Variants in IPCEF1 observed in about 807,000 individuals in gnomAD.
The protein encoded by IPCEF1 is interaction protein for cytohesin exchange factors 1, also known as interactor protein for cytohesin exchange factors 1.
Under a neutral mutation model 50.9 loss-of-function variants are expected in IPCEF1, and 31 were observed. That is an observed-to-expected ratio of 0.61 (90% CI 0.46 to 0.82). The LOEUF (loss-of-function observed/expected upper bound fraction) is 0.82. IPCEF1 is among the 40% of genes least tolerant of loss of function. The pLI, the probability that IPCEF1 is intolerant of heterozygous loss-of-function variation, is 0.00. For synonymous variants in IPCEF1, 181 were observed against 192.0 expected (o/e 0.94, Z 0.47); for missense variants, 458 against 514.0 (o/e 0.89, Z 1.05).
intron 7 of IPCEF1, among the ~76,000 whole-genome samples, chr6:154,219,377 A>G (rs550499281): frequency 6.6e-6 from 1 of 152,182 alleles, no homozygotes; most frequent in Non-Finnish European, 1.5e-5. Context: ...AGGACGGGCC[A>G]AGGATGGAAG....
At chr6:154,210,961 T>C (rs982237315) in intron 9 of IPCEF1, among the ~76,000 whole-genome samples, 4 of 152,184 alleles carry the variant, frequency 2.6e-5, no homozygotes, top group African/African-American at 9.7e-5. Context: ...ATCAATATAA[T>C]ACCTTAAATC....
intron 3 of IPCEF1, among the ~76,000 whole-genome samples, chr6:154,256,739 G>A (rs1346719326): frequency 6.6e-6 from 1 of 152,046 alleles, no homozygotes; most frequent in Non-Finnish European, 1.5e-5. Context: ...TTGCACACAT[G>A]GTCCCCAACT....
At chr6:154,260,598 G>C (rs1223249782) in intron 3 of IPCEF1, among the ~76,000 whole-genome samples, 2 of 151,532 alleles carry the variant, frequency 1.3e-5, no homozygotes, top group Admixed American at 6.6e-5. Context: ...TTAGCCTCCT[G>C]AGTAGCTGGA....
rs182991906 is a variant in IPCEF1 at position 154,234,788 on chromosome 6, T to C, written c.247-11545A>G. On this transcript the variant is annotated intron_variant, in intron 5 of 11. Transcript: ENST00000367220. ...ATTTTAAGTGAAATTAAGTTACTAG[T>C]GAACTTTCAGGTAGTCTGACATACA... Among the ~76,000 whole-genome samples, 4 of 152,228 alleles carry C rather than the reference T, an allele frequency of 2.6e-5. No individual in the cohort carries two copies. The East Asian group carries it at 7.7e-4, about 29-fold the overall frequency.
chr6:154,239,620 C>T (rs1021106620), intron 5 of IPCEF1, among the ~76,000 whole-genome samples: 3 of 152,176 alleles, frequency 2.0e-5, no homozygotes, highest in South Asian at 4.1e-4. Context: ...CCTTCTCATT[C>T]TCCTTTCTAA....
At chr6:154,229,224 G>A (rs974898753) in intron 5 of IPCEF1, among the ~76,000 whole-genome samples, 1 of 151,956 alleles carries the variant, frequency 6.6e-6, no homozygotes, top group African/African-American at 2.4e-5. Flanking sequence ...TATAAGGTGT[G>A]GAATAAATAC....
At chr6:154,323,388 G>C (rs1477072364) in intron 1 of IPCEF1, among the ~76,000 whole-genome samples, 1 of 151,938 alleles carries the variant, frequency 6.6e-6, no homozygotes, top group Non-Finnish European at 1.5e-5. Context: ...TAAAGTTGGT[G>C]GTGACAAGCT....
chr6:154,332,179 G>C (rs186189236), intron 1 of IPCEF1, among the ~76,000 whole-genome samples: 1 of 152,084 alleles, frequency 6.6e-6, no homozygotes, highest in East Asian at 1.9e-4. Context: ...TTTTTATTAA[G>C]TCACATGCAG....
intron 10 of IPCEF1, among the ~76,000 whole-genome samples, chr6:154,181,981 C>T (rs1456802697): frequency 2.0e-5 from 3 of 151,966 alleles, no homozygotes; most frequent in Non-Finnish European, 4.4e-5. Flanking sequence ...AAAGGTGAGG[C>T]GATTTTAAAA....
chr6:154,324,270 T>C (rs1783465554), intron 1 of IPCEF1, among the ~76,000 whole-genome samples: 2 of 152,134 alleles, frequency 1.3e-5, no homozygotes, highest in South Asian at 2.1e-4. Context: ...TTTGGATATA[T>C]AAAATAAAAT....
chr6:154,281,368 T>A lies in IPCEF1; in HGVS notation c.-18+8345A>T, dbSNP rs559549607. On this transcript the variant is annotated intron_variant, in intron 2 of 11. Coordinates refer to ENST00000367220, the MANE Select transcript of IPCEF1 (RefSeq NM_001130700.2). ...ACCTCATCTCGAAAAAAAAAAAAAT[T>A]TTTTTTAAAGTAGCCTTGTGTGGTG... Among the ~76,000 whole-genome samples, 552 of 149,618 alleles carry A rather than the reference T, an allele frequency of 3.7e-3. 3 individuals are homozygous for A. Among genetic ancestry groups the A allele is most frequent in the African/African-American group, 0.012 (490 of 40,572 alleles).
chr6:154,218,350 C>G (rs1339551840), intron 7 of IPCEF1, among the ~76,000 whole-genome samples: 1 of 152,220 alleles, frequency 6.6e-6, no homozygotes, highest in Non-Finnish European at 1.5e-5. Flanking sequence ...CCCTTAATTA[C>G]TTACCCCTGT....
In IPCEF1 at chr6:154,242,852, T is replaced by A. The variant is rs542890554; in HGVS notation, c.246+3739A>T. ...GCAGTGAGCCGAGATAACACCATTG[T>A]ACTCCAGCCTGGGCCATAGAGCAAG... On this transcript the variant is annotated intron_variant, in intron 5 of 11. Coordinates refer to ENST00000367220, the MANE Select transcript of IPCEF1 (RefSeq NM_001130700.2). Among the ~76,000 whole-genome samples the A allele has an allele frequency of 4.4e-3, 672 of 151,414 alleles. 8 individuals carry two copies. Among genetic ancestry groups the A allele is most frequent in the African/African-American group, 0.016 (644 of 41,182 alleles).
chr6:154,214,100 G>T (rs1778188951), intron 8 of IPCEF1, 118 bp downstream of exon 8: 1 of 721,476 alleles, frequency 1.4e-6, no homozygotes, highest in Non-Finnish European at 2.5e-6. Context: ...CATCTTAAAT[G>T]CCAAAGCATG....
intron 1 of IPCEF1, among the ~76,000 whole-genome samples, chr6:154,309,754 G>GCTTTT (rs927710994): frequency 6.8e-6 from 1 of 147,026 alleles, no homozygotes; most frequent in African/African-American, 2.6e-5. Flanking sequence ...TAGTCACTCT[G>GCTTTT]CTTTTCTTTT....
chr6:154,189,370 C>T (rs1801662137), intron 10 of IPCEF1, among the ~76,000 whole-genome samples: 1 of 152,176 alleles, frequency 6.6e-6, no homozygotes, highest in African/African-American at 2.4e-5. Context: ...CCAGCAATTC[C>T]ATTTCCAGGT....
intron 1 of IPCEF1, among the ~76,000 whole-genome samples, chr6:154,305,552 C>A (rs1054876968): frequency 6.6e-6 from 1 of 152,184 alleles, no homozygotes; most frequent in Non-Finnish European, 1.5e-5. Flanking sequence ...CTGGGCTTTC[C>A]TTTTCAACCA....
chr6:154,342,469 T>C lies in IPCEF1; in HGVS notation c.-62+14203A>G, dbSNP rs537454552. ...CTACATGCCTTCCCCCTTTTCAGGA[T>C]GGAGAGCAGTGGCATGATCATAGCT... On this transcript the variant is annotated intron_variant, in intron 1 of 11. Coordinates refer to ENST00000367220, the MANE Select transcript of IPCEF1 (RefSeq NM_001130700.2). Among the ~76,000 whole-genome samples the C allele has an allele frequency of 1.1e-4, 17 of 152,322 alleles. No individual in the cohort carries two copies. In the South Asian group the frequency reaches 2.1e-3, roughly 19 times the overall value.
chr6:154,275,878 T>C (rs1311204379), intron 2 of IPCEF1, among the ~76,000 whole-genome samples: 2 of 152,150 alleles, frequency 1.3e-5, no homozygotes, highest in African/African-American at 4.8e-5. Flanking sequence ...AGATTTTTCC[T>C]TAAGAAATAT....
Sources: gnomAD v4.1 joint callset for allele counts (sites outside exome capture counted in the v4.1 genomes callset) on GRCh38, gnomAD v4.1.1 for gene constraint, MANE v1.5 for transcripts, NCBI Gene and HGNC (gene_info 2026-07-23, HGNC 2026-07-21) for gene names.